PLXDC2: variants seen among roughly 807,000 people sequenced by gnomAD.
PLXDC2 encodes plexin domain-containing protein 2.
PLXDC2 carries 40 observed loss-of-function variants against 68.9 expected under a neutral mutation model. The observed-to-expected ratio is 0.58, with a 90% confidence interval of 0.45 to 0.76. PLXDC2 has a LOEUF of 0.76. PLXDC2 is among the 30% of genes least tolerant of loss of function. The pLI is 0.00. For missense variants in PLXDC2, 644 were observed against 661.9 expected, an observed-to-expected ratio of 0.97 and a Z score of 0.30; for synonymous variants, 243 against 234.2, an observed-to-expected ratio of 1.04 and a Z score of -0.34.
chr10:20,118,920 C>G (rs1266247263), intron 4 of PLXDC2, among the ~76,000 whole-genome samples: 1 of 139,954 alleles, frequency 7.1e-6, no homozygotes, highest in African/African-American at 2.6e-5. Context: ...ACATTGAAGC[C>G]TTTTTTTTTT....
chr10:20,059,428 G>A (rs1016353489), intron 3 of PLXDC2, among the ~76,000 whole-genome samples: 40 of 152,254 alleles, frequency 2.6e-4, no homozygotes, highest in African/African-American at 6.3e-4. Flanking sequence ...TCACTTATTC[G>A]CAAGTTCATG....
At chr10:20,228,515 T>C in intron 12 of PLXDC2, among the ~76,000 whole-genome samples, 1 of 151,072 alleles carries the variant, frequency 6.6e-6, no homozygotes, top group Non-Finnish European at 1.5e-5. Flanking sequence ...TGAGCCATGA[T>C]TGCACCACTG....
intron 9 of PLXDC2, among the ~76,000 whole-genome samples, chr10:20,211,184 A>G (rs943963888): frequency 3.9e-5 from 6 of 152,270 alleles, no homozygotes; most frequent in Admixed American, 3.9e-4. Context: ...ACAACTGCCA[A>G]GTTAACATTT....
At chr10:20,274,956 G>A (rs908347802) in intron 13 of PLXDC2, among the ~76,000 whole-genome samples, 2 of 151,780 alleles carry the variant, frequency 1.3e-5, no homozygotes, top group African/African-American at 4.8e-5. Flanking sequence ...AATTTTATGG[G>A]TGTGTCATTT....
intron 3 of PLXDC2, 118 bp from the exon 4 acceptor site, chr10:20,068,052 C>A: frequency 1.2e-6 from 1 of 813,642 alleles, no homozygotes; most frequent in Non-Finnish European, 1.9e-6. Flanking sequence ...TAAAAGAGAA[C>A]TACAATAATT....
chr10:19,874,930 A>G (rs181760586), intron 1 of PLXDC2, among the ~76,000 whole-genome samples: 2 of 152,298 alleles, frequency 1.3e-5, no homozygotes, highest in East Asian at 1.9e-4. Context: ...TGCAAGGCTA[A>G]GGAATGTAAC....
intron 1 of PLXDC2, among the ~76,000 whole-genome samples, chr10:19,892,875 A>G (rs1345651299): frequency 6.6e-6 from 1 of 151,886 alleles, no homozygotes; most frequent in Non-Finnish European, 1.5e-5. Flanking sequence ...CCAATCAGAC[A>G]GCAGGAGGAG....
chr10:19,882,242 T>C (rs968396687), intron 1 of PLXDC2, among the ~76,000 whole-genome samples: 5 of 152,248 alleles, frequency 3.3e-5, no homozygotes, highest in Admixed American at 6.5e-5. Context: ...ATTTCACTTA[T>C]GTTTATTTCT....
At chr10:20,000,350 G>C (rs1477719979) in intron 1 of PLXDC2, among the ~76,000 whole-genome samples, 2 of 148,900 alleles carry the variant, frequency 1.3e-5, no homozygotes, top group African/African-American at 5.0e-5. Flanking sequence ...TCTTGCTCTT[G>C]GGTTTCTCCC....
chr10:19,966,776 G>A (rs1355082013), intron 1 of PLXDC2, among the ~76,000 whole-genome samples: 1 of 151,058 alleles, frequency 6.6e-6, no homozygotes, highest in Non-Finnish European at 1.5e-5. Context: ...TTTGAGAACA[G>A]GCCTCCTGGG....
At chr10:19,834,282 C>G (rs551578692) in intron 1 of PLXDC2, among the ~76,000 whole-genome samples, 1 of 151,632 alleles carries the variant, frequency 6.6e-6, no homozygotes, top group East Asian at 1.9e-4. Flanking sequence ...TTGGCAAGGC[C>G]CCTGGTTAGA....
chr10:19,933,189 C>T (rs187262761), intron 1 of PLXDC2, among the ~76,000 whole-genome samples: 3 of 152,242 alleles, frequency 2.0e-5, no homozygotes, highest in South Asian at 2.1e-4. Flanking sequence ...CAAAATTATT[C>T]GTTATTCTTT....
chr10:20,037,887 C>A (rs1296039581), intron 2 of PLXDC2, among the ~76,000 whole-genome samples: 11 of 152,148 alleles, frequency 7.2e-5, no homozygotes, highest in Admixed American at 5.2e-4. Flanking sequence ...GTACAGTATT[C>A]TGACCTTACA....
At chr10:19,937,315 G>C (rs946176829) in intron 1 of PLXDC2, among the ~76,000 whole-genome samples, 1 of 151,810 alleles carries the variant, frequency 6.6e-6, no homozygotes, top group East Asian at 1.9e-4. Flanking sequence ...TGCTTGGTCT[G>C]CCCTCAATCG....
chr10:20,088,323 G>A (rs367884875), intron 4 of PLXDC2, among the ~76,000 whole-genome samples: 1 of 152,320 alleles, frequency 6.6e-6, no homozygotes, highest in African/African-American at 2.4e-5. Flanking sequence ...CAAGGCAAAT[G>A]AGAATTTGTA....
At chr10:20,144,357 A>G (rs571459684) in intron 5 of PLXDC2, among the ~76,000 whole-genome samples, 52 of 152,248 alleles carry the variant, frequency 3.4e-4, no homozygotes, top group African/African-American at 9.1e-4. Context: ...CCTTGGAGAA[A>G]TATGATCACT....
intron 9 of PLXDC2, among the ~76,000 whole-genome samples, chr10:20,203,619 A>T (rs569521944): frequency 1.3e-5 from 2 of 148,238 alleles, no homozygotes; most frequent in South Asian, 2.1e-4. Context: ...CCCAATACGA[A>T]TTTTTTTTTT....
chr10:19,948,387 TTTC>T (rs1305658032), intron 1 of PLXDC2, among the ~76,000 whole-genome samples: 9 of 56,892 alleles, frequency 1.6e-4, no homozygotes, highest in Admixed American at 1.6e-3. Flanking sequence ...TCTTTCTTTC[TTTC>T]TTTTTTTTTT....
At chr10:20,098,623 G>A (rs1478237362) in intron 4 of PLXDC2, among the ~76,000 whole-genome samples, 1 of 152,122 alleles carries the variant, frequency 6.6e-6, no homozygotes, top group Non-Finnish European at 1.5e-5. Flanking sequence ...ATCCTATTCA[G>A]TACACATTCT....
Sources: gnomAD v4.1 joint callset for allele counts (sites outside exome capture counted in the v4.1 genomes callset) on GRCh38, gnomAD v4.1.1 for gene constraint, MANE v1.5 for transcripts, NCBI Gene and HGNC (gene_info 2026-07-23, HGNC 2026-07-21) for gene names.